The following SPRED2 variants were observed in gnomAD, a reference collection of about 807,000 sequenced individuals.
The protein encoded by SPRED2 is sprouty-related, EVH1 domain-containing protein 2.
A neutral mutation model predicts 43.0 loss-of-function variants in SPRED2; 47 were observed. The ratio of observed to expected loss-of-function variants is 1.09; its 90% CI spans 0.87 to 1.40. The LOEUF (loss-of-function observed/expected upper bound fraction) is 1.40. Among genes scored for constraint, SPRED2 ranks in the 40% most tolerant of loss-of-function variants. The pLI, the probability that SPRED2 is intolerant of heterozygous loss-of-function variation, is 0.00. For missense variants in SPRED2, 561 were observed against 586.4 expected, an observed-to-expected ratio of 0.96 and a Z score of 0.45; for synonymous variants, 225 against 225.7, an observed-to-expected ratio of 1.00 and a Z score of 0.03.
At chr2:65,321,178 TGA>T (rs912126269) in intron 4 of SPRED2, among the ~76,000 whole-genome samples, 3 of 152,160 alleles carry the variant, frequency 2.0e-5, no homozygotes, top group African/African-American at 7.2e-5. Flanking sequence ...TGCAGCATCC[TGA>T]GAGAGCAGGT....
chr2:65,310,809 A>G (rs1673047740), downstream of SPRED2: 1 of 939,292 alleles, frequency 1.1e-6, no homozygotes, highest in African/African-American at 1.8e-5. Context: ...ACGCTCTAGC[A>G]TCACCTCGTC....
At chr2:65,364,891 C>T (rs1337857179) in intron 1 of SPRED2, among the ~76,000 whole-genome samples, 1 of 151,920 alleles carries the variant, frequency 6.6e-6, no homozygotes, top group Non-Finnish European at 1.5e-5. Context: ...TAAAGTGAAC[C>T]CTAAGTTGAG....
chr2:65,423,399 C>G (rs1321462139), intron 1 of SPRED2, among the ~76,000 whole-genome samples: 2 of 152,186 alleles, frequency 1.3e-5, no homozygotes, highest in East Asian at 3.8e-4. Flanking sequence ...AAAGCACAGC[C>G]AACTGGGATC....
At position 65,363,239 on chromosome 2, in the gene SPRED2, CA is replaced by C. The variant is rs141094707; in HGVS notation, c.27-18344del. ...GGGCAATAAGAGCAAAACTCCGTCTCAAAAAAAAAAAAAAAAAAAAAAATTC... is the reference window on the plus strand; with the variant it reads ...GGGCAATAAGAGCAAAACTCCGTCTCAAAAAAAAAAAAAAAAAAAAAATTC... On this transcript the variant is annotated intron_variant, in intron 1 of 5. Coordinates refer to ENST00000356388, the MANE Select transcript of SPRED2 (RefSeq NM_181784.3). Among the ~76,000 whole-genome samples, 963 of 103,046 alleles carry C rather than the reference CA, an allele frequency of 9.3e-3. 9 individuals are homozygous for C. Among genetic ancestry groups the C allele is most frequent in the African/African-American group, 0.033 (822 of 25,244 alleles). 67.6% of individuals were successfully genotyped at this position (103,046 alleles called of 152,430 possible).
intron 1 of SPRED2, among the ~76,000 whole-genome samples, chr2:65,386,178 G>A (rs1361818950): frequency 1.3e-5 from 2 of 151,642 alleles, no homozygotes; most frequent in East Asian, 1.9e-4. Context: ...CTAGCTACTC[G>A]GGAGGCTGAG....
chr2:65,400,590 C>T (rs140069241), intron 1 of SPRED2, among the ~76,000 whole-genome samples: 3 of 152,216 alleles, frequency 2.0e-5, no homozygotes, highest in East Asian at 1.9e-4. Flanking sequence ...CCATCTAGGC[C>T]GACTGTGCTC....
intron 1 of SPRED2, among the ~76,000 whole-genome samples, chr2:65,364,811 A>G (rs1255473696): frequency 2.0e-5 from 3 of 152,222 alleles, no homozygotes; most frequent in Non-Finnish European, 4.4e-5. Flanking sequence ...TTTCCGTGAA[A>G]GCACAGGAAA....
chr2:65,426,789 C>T (rs268123), intron 1 of SPRED2, among the ~76,000 whole-genome samples: 139,446 of 152,284 alleles, frequency 0.92, 63,971 homozygotes, highest in African/African-American at 0.96. Flanking sequence ...TAAGGCAAAA[C>T]AGTTTTGGGT....
intron 4 of SPRED2, 58 bp from the exon 5 acceptor site, chr2:65,316,941 A>G: frequency 6.4e-7 from 1 of 1,566,832 alleles, no homozygotes; most frequent in Non-Finnish European, 8.7e-7. Flanking sequence ...AACCCCACGC[A>G]GCAAACCCTG....
At chr2:65,382,733 T>C (rs1405133733) in intron 1 of SPRED2, among the ~76,000 whole-genome samples, 1 of 152,246 alleles carries the variant, frequency 6.6e-6, no homozygotes, top group Admixed American at 6.5e-5. Context: ...ATACTTCACA[T>C]TCTTTTTTTT....
intron 1 of SPRED2, among the ~76,000 whole-genome samples, chr2:65,405,253 G>A (rs982586185): frequency 3.3e-5 from 5 of 152,200 alleles, no homozygotes; most frequent in African/African-American, 1.2e-4. Context: ...CACCTTGGTG[G>A]AGAAGAGCAT....
intron 1 of SPRED2, among the ~76,000 whole-genome samples, chr2:65,348,845 TCA>T (rs1558663223): frequency 6.6e-6 from 1 of 152,138 alleles, no homozygotes; most frequent in Non-Finnish European, 1.5e-5. Flanking sequence ...CATATAGTGT[TCA>T]ATACTTATTT....
chr2:65,428,439 G>T (rs1345685838), intron 1 of SPRED2, among the ~76,000 whole-genome samples: 1 of 152,204 alleles, frequency 6.6e-6, no homozygotes, highest in Non-Finnish European at 1.5e-5. Flanking sequence ...AGACATTTTT[G>T]CAGACAATTC....
At chr2:65,352,967 G>A (rs1674553023) in intron 1 of SPRED2, among the ~76,000 whole-genome samples, 1 of 152,134 alleles carries the variant, frequency 6.6e-6, no homozygotes, top group Non-Finnish European at 1.5e-5. Flanking sequence ...ATCAATTTAT[G>A]TATTTTTTAA....
chr2:65,408,106 T>A (rs1676067728), intron 1 of SPRED2, among the ~76,000 whole-genome samples: 1 of 152,174 alleles, frequency 6.6e-6, no homozygotes, highest in African/African-American at 2.4e-5. Flanking sequence ...GGTTCCATCT[T>A]CTTAAGATCT....
intron 1 of SPRED2, among the ~76,000 whole-genome samples, chr2:65,346,723 G>A (rs939430226): frequency 6.6e-6 from 1 of 152,126 alleles, no homozygotes; most frequent in African/African-American, 2.4e-5. Context: ...ATGTGGGTAT[G>A]GTGCTTGCCA....
intron 1 of SPRED2, among the ~76,000 whole-genome samples, chr2:65,408,650 C>T (rs528080836): frequency 1.2e-4 from 18 of 151,196 alleles, no homozygotes; most frequent in Middle Eastern, 3.4e-3. Flanking sequence ...AGTGCAGTGG[C>T]GCGATCTGCA....
chr2:65,343,422 A>G (rs1360109491), intron 2 of SPRED2, among the ~76,000 whole-genome samples: 1 of 152,152 alleles, frequency 6.6e-6, no homozygotes, highest in Non-Finnish European at 1.5e-5. Flanking sequence ...TGTCTTATCT[A>G]TTTTCTAAAT....
Position 65,311,940 on chromosome 2 carries a change from T to C in SPRED2, c.*1561A>G. 1.0e-6 allele frequency: 1 copy of C among 985,066 alleles called. No homozygotes were observed. Among genetic ancestry groups the C allele is most frequent in the East Asian group, 1.1e-4 (1 of 8,796 alleles). 61.0% of individuals were successfully genotyped at this position (985,066 alleles called of 1,614,324 possible). On this transcript the variant is annotated 3_prime_UTR_variant, in exon 6 of 6. Coordinates refer to ENST00000356388, the MANE Select transcript of SPRED2 (RefSeq NM_181784.3). ...ATAAAGAAGGAGTGGGGAAAGGGAG[T>C]GGGGAGCAGGCCATGTCTTCTGCTG...
Sources: gnomAD v4.1 joint callset for allele counts (sites outside exome capture counted in the v4.1 genomes callset) on GRCh38, gnomAD v4.1.1 for gene constraint, MANE v1.5 for transcripts, NCBI Gene and HGNC (gene_info 2026-07-23, HGNC 2026-07-21) for gene names.